The following ABCA13 variants were observed in gnomAD, a reference collection of about 807,000 sequenced individuals.
The protein encoded by ABCA13 is ATP-binding cassette sub-family A member 13.
In ABCA13, 476 loss-of-function variants were observed where a neutral mutation model predicts 478.7. The observed-to-expected ratio is 0.99, with a 90% CI of 0.92 to 1.07. The LOEUF (loss-of-function observed/expected upper bound fraction) is 1.07, where lower values mean the gene tolerates loss of function less well. Ranked by LOEUF, ABCA13 falls within the 50% of genes least tolerant of loss-of-function variation. The pLI is 0.00. For synonymous variants in ABCA13, 2,252 were observed against 2,158.9 expected (o/e 1.04, Z -1.20); for missense variants, 6,060 against 5,910.6 (o/e 1.03, Z -0.83).
At position 48,524,589 on chromosome 7, in the gene ABCA13, G is replaced by A. The variant is rs147998285; in HGVS notation, c.14244+149G>A. ...AATTCCTACAAAATCAGTAGGAGCA[G>A]AACCAAATAGAGGGTCTGTTGACTA... is the stretch of plus-strand genomic sequence containing the variant. On this transcript the variant is annotated intron_variant, in intron 54 of 61. Transcript: ENST00000435803. 2.0e-3 allele frequency: 1,286 copies of A among 649,174 alleles called. 12 individuals are homozygous for A. In the African/African-American group the frequency reaches 0.022, roughly 11 times the overall value. The allele number at this position is 649,174 out of a possible 1,614,324, so 40.2% of individuals were successfully genotyped here. A position where few individuals can be genotyped will look rare whatever the true frequency, so the allele number is the denominator to read the frequency against.
intron 23 of ABCA13, among the ~76,000 whole-genome samples, chr7:48,300,515 C>T (rs1396691101): frequency 6.6e-6 from 1 of 152,188 alleles, no homozygotes; most frequent in Non-Finnish European, 1.5e-5. Context: ...CCCTGGAAGC[C>T]TCCCTGAATC....
intron 20 of ABCA13, among the ~76,000 whole-genome samples, chr7:48,289,007 C>T (rs1798143314): frequency 6.6e-6 from 1 of 152,092 alleles, no homozygotes; most frequent in African/African-American, 2.4e-5. Flanking sequence ...CTTTTGTGAT[C>T]CATATTATCT....
intron 42 of ABCA13, among the ~76,000 whole-genome samples, chr7:48,453,045 T>A (rs1425318744): frequency 1.3e-5 from 2 of 152,166 alleles, no homozygotes; most frequent in African/African-American, 4.8e-5. Context: ...AAAATTTAGT[T>A]TAATGACATA....
chr7:48,411,291 C>CTTCTTTTCTT lies in ABCA13; in HGVS notation c.12228+641_12228+650dup, dbSNP rs571322141. ...TTCCTCCCTCCCTCCTCCTTCCTTC[C>CTTCTTTTCTT]TTCTTTTCTTTTCTTTTCTTTTCTT... On this transcript the variant is annotated intron_variant, in intron 40 of 61. Coordinates refer to ENST00000435803, the MANE Select transcript of ABCA13 (RefSeq NM_152701.5). 7.7e-3 allele frequency among the ~76,000 whole-genome samples: 717 copies of CTTCTTTTCTT among 92,892 alleles called. 36 individuals are homozygous for CTTCTTTTCTT. Among genetic ancestry groups the CTTCTTTTCTT allele is most frequent in the East Asian group, 0.018 (52 of 2,934 alleles). The allele number at this position is 92,892 out of a possible 152,430, so 60.9% of individuals were successfully genotyped here. A position where few individuals can be genotyped will look rare whatever the true frequency, so the allele number is the denominator to read the frequency against.
At chr7:48,172,615 G>A (rs1035596175) in intron 1 of ABCA13, among the ~76,000 whole-genome samples, 1 of 151,550 alleles carries the variant, frequency 6.6e-6, no homozygotes, top group Non-Finnish European at 1.5e-5. Context: ...CTAACACAGT[G>A]AAACCCCGTC....
intron 41 of ABCA13, among the ~76,000 whole-genome samples, chr7:48,420,356 C>T (rs1820578657): frequency 6.6e-6 from 1 of 152,134 alleles, no homozygotes; most frequent in Non-Finnish European, 1.5e-5. Context: ...AAGGACAATC[C>T]TGGCAAGTTA....
At chr7:48,247,645 G>A (rs1791904232) in intron 13 of ABCA13, among the ~76,000 whole-genome samples, 1 of 152,082 alleles carries the variant, frequency 6.6e-6, no homozygotes, top group African/African-American at 2.4e-5. Flanking sequence ...CTGGAGTCTG[G>A]TTAGCTAGGA....
At chr7:48,358,290 T>C (rs967853248) in intron 31 of ABCA13, among the ~76,000 whole-genome samples, 1 of 148,944 alleles carries the variant, frequency 6.7e-6, no homozygotes, top group Non-Finnish European at 1.5e-5. Context: ...TGGCATGTTT[T>C]CTTATATCCT....
At chr7:48,219,604 C>T (rs1219173333) in intron 4 of ABCA13, 99 bp downstream of exon 4, 5 of 1,431,552 alleles carry the variant, frequency 3.5e-6, no homozygotes, top group Non-Finnish European at 4.7e-6. Flanking sequence ...TGCTCAACTC[C>T]TGCCTGTGCT....
intron 59 of ABCA13, among the ~76,000 whole-genome samples, chr7:48,621,960 A>G (rs1046449588): frequency 7.2e-5 from 11 of 152,178 alleles, no homozygotes; most frequent in African/African-American, 2.7e-4. Context: ...TTGATTTCCC[A>G]GAAGGACAGA....
Position 48,275,193 on chromosome 7 carries a change from G to A in ABCA13, c.5527G>A (p.Val1843Ile), listed in dbSNP as rs1332542061. ...GAATTCAAAGATAGACCCCTGCAATGTCCATGGGCTCATGTCTTCTTCCTT... is the reference window on the plus strand; with the variant it reads ...GAATTCAAAGATAGACCCCTGCAATATCCATGGGCTCATGTCTTCTTCCTT... ...RQNSKIDPCN[V>I]HGLMSSSFYG... The change falls in exon 17 of 62, where the codon GTC (valine) becomes ATC (isoleucine). Residue 1843 changes from valine (V) to isoleucine (I), a missense_variant. By Grantham distance (29) the Val-to-Ile change is conservative (BLOSUM62 3). Around this residue, in one of 3 missense-constraint regions of ABCA13, gnomAD observed 4,423 missense variants for 4,309.1 expected, o/e 1.03. Transcript: ENST00000435803. 1 of 1,613,904 alleles carries A rather than the reference G, an allele frequency of 6.2e-7. No homozygotes were observed. Among genetic ancestry groups the A allele is most frequent in the Non-Finnish European group, 8.5e-7 (1 of 1,179,874 alleles).
At chr7:48,327,814 G>A (rs551109098) in intron 27 of ABCA13, among the ~76,000 whole-genome samples, 4 of 152,246 alleles carry the variant, frequency 2.6e-5, no homozygotes, top group Admixed American at 1.3e-4. Flanking sequence ...ACTTTGTGTA[G>A]CAATGCATGG....
At chr7:48,293,616 T>A (rs1798897744) in intron 20 of ABCA13, among the ~76,000 whole-genome samples, 1 of 152,232 alleles carries the variant, frequency 6.6e-6, no homozygotes, top group South Asian at 2.1e-4. Flanking sequence ...TTCATGTGTA[T>A]GTTTATAGAC....
intron 19 of ABCA13, among the ~76,000 whole-genome samples, chr7:48,283,730 A>T (rs780700617): frequency 6.6e-6 from 1 of 152,214 alleles, no homozygotes; most frequent in Non-Finnish European, 1.5e-5. Flanking sequence ...GGCACTCAGG[A>T]TTATACACCT....
intron 58 of ABCA13, among the ~76,000 whole-genome samples, chr7:48,611,330 C>T (rs1792004753): frequency 6.6e-6 from 1 of 152,188 alleles, no homozygotes. Flanking sequence ...TCTCCTGAGC[C>T]CTCCAAACTG....
intron 3 of ABCA13, among the ~76,000 whole-genome samples, chr7:48,201,295 G>T (rs146136503): frequency 0.056 from 8,569 of 152,268 alleles, 249 homozygotes; most frequent in East Asian, 0.11. Flanking sequence ...GAGGAGCCAA[G>T]ATGTTTGATT....
chr7:48,318,277 C>T (rs1802879347), intron 27 of ABCA13, among the ~76,000 whole-genome samples: 1 of 152,168 alleles, frequency 6.6e-6, no homozygotes. Flanking sequence ...ACCTCAGGGG[C>T]TGCATTTACC....
intron 35 of ABCA13, among the ~76,000 whole-genome samples, chr7:48,386,555 C>T (rs1217276234): frequency 6.6e-6 from 1 of 152,088 alleles, no homozygotes; most frequent in Non-Finnish European, 1.5e-5. Context: ...ACTAACAGAA[C>T]AGAATAGAGA....
intron 20 of ABCA13, among the ~76,000 whole-genome samples, chr7:48,294,498 C>G (rs1414388569): frequency 6.9e-6 from 1 of 145,550 alleles, no homozygotes; most frequent in African/African-American, 2.5e-5. Flanking sequence ...AGACTGCGGA[C>G]TGCAGTGGCG....
Sources: gnomAD v4.1 joint callset for allele counts (sites outside exome capture counted in the v4.1 genomes callset) on GRCh38, gnomAD v4.1.1 for gene constraint, gnomAD v4.1.1 regional missense constraint, MANE v1.5 for transcripts, NCBI Gene and HGNC (gene_info 2026-07-23, HGNC 2026-07-21) for gene names.